The following CACNA1D variants were observed in gnomAD, a reference collection of about 807,000 sequenced individuals.
CACNA1D encodes the protein calcium voltage-gated channel subunit alpha1 D, also known as voltage-dependent L-type calcium channel subunit alpha-1D.
A neutral mutation model predicts 257.1 loss-of-function variants in CACNA1D; 55 were observed. The observed-to-expected ratio is 0.21, with a 90% CI of 0.17 to 0.27. The LOEUF (loss-of-function observed/expected upper bound fraction) is 0.27, where lower values mean the gene tolerates loss of function less well. CACNA1D is among the 10% of genes least tolerant of loss of function. The probability of loss-of-function intolerance (pLI) is 1.00; values close to 1 mark genes in which losing one functional copy is unlikely to be tolerated. For missense variants in CACNA1D, 1,876 were observed against 2,784.0 expected, an observed-to-expected ratio of 0.67 and a Z score of 7.34; for synonymous variants, 980 against 1,014.9, an observed-to-expected ratio of 0.97 and a Z score of 0.65.
At chr3:53,696,281 T>C (rs2094572575) in intron 8 of CACNA1D, among the ~76,000 whole-genome samples, 1 of 152,276 alleles carries the variant, frequency 6.6e-6, no homozygotes, top group Non-Finnish European at 1.5e-5. Flanking sequence ...TAGCCTGGTT[T>C]TGATCCTCAT....
chr3:53,725,893 C>A (rs2108736264), intron 14 of CACNA1D, among the ~76,000 whole-genome samples: 1 of 152,244 alleles, frequency 6.6e-6, no homozygotes, highest in South Asian at 2.1e-4. Context: ...TCTTATTCAT[C>A]TGATTCTATT....
intron 3 of CACNA1D, among the ~76,000 whole-genome samples, chr3:53,592,189 T>C (rs1030005573): frequency 5.3e-5 from 8 of 152,168 alleles, no homozygotes; most frequent in African/African-American, 1.9e-4. Context: ...ACATAGGTGG[T>C]GCTTCGATTC....
In CACNA1D at chr3:53,789,271, A is replaced by G. The variant is rs533969221; in HGVS notation, c.4923+2319A>G. Reference sequence around the variant, plus strand: ...CGTCTGTAATTTATGTTGAGAATGCAGCCTGGAAAATTAAGTTGTGTTCAT... The same window carrying G: ...CGTCTGTAATTTATGTTGAGAATGCGGCCTGGAAAATTAAGTTGTGTTCAT... On this transcript the variant is annotated intron_variant, in intron 40 of 47. Transcript: ENST00000350061. This position sits in a 1 kb window ranked among gnomAD's most constrained non-coding sequence, Gnocchi z 4.2. Among the ~76,000 whole-genome samples, 12 of 152,380 alleles carry G rather than the reference A, an allele frequency of 7.9e-5. No individual in the cohort carries two copies. The highest frequency in any genetic ancestry group is 1.3e-4 in the Non-Finnish European group (9 of 68,038).
chr3:53,584,536 A>G (rs1179155517), intron 3 of CACNA1D, among the ~76,000 whole-genome samples: 2 of 152,148 alleles, frequency 1.3e-5, no homozygotes, highest in African/African-American at 4.8e-5. Flanking sequence ...CCCTCCATCC[A>G]TTCACCATCT....
chr3:53,642,788 T>G (rs1267991826), intron 3 of CACNA1D, among the ~76,000 whole-genome samples: 1 of 152,226 alleles, frequency 6.6e-6, no homozygotes, highest in African/African-American at 2.4e-5. Context: ...CCTGGGTGAT[T>G]GTGGGGTCAC....
rs372467333 is a variant in CACNA1D, at chr3:53,557,165, G to GT, written c.483+55452dup. ...CTACAGATCATAAAGATTTTCTCCAGTTTTTTTCCTAGAAGTTTTATAGTT... is the reference window on the plus strand; with the variant it reads ...CTACAGATCATAAAGATTTTCTCCAGTTTTTTTTCCTAGAAGTTTTATAGTT... On this transcript the variant is annotated intron_variant, in intron 3 of 47. Coordinates refer to ENST00000350061, the MANE Select transcript of CACNA1D (RefSeq NM_001128840.3). Among the ~76,000 whole-genome samples, 365 of 152,136 alleles carry GT rather than the reference G, an allele frequency of 2.4e-3. 4 individuals carry two copies. Among genetic ancestry groups the GT allele is most frequent in the African/African-American group, 8.1e-3 (337 of 41,512 alleles).
At chr3:53,535,667 A>G (rs1461908369) in intron 3 of CACNA1D, among the ~76,000 whole-genome samples, 1 of 152,206 alleles carries the variant, frequency 6.6e-6, no homozygotes, top group Non-Finnish European at 1.5e-5. Flanking sequence ...GACTAGTGGG[A>G]AGTAGACTAA....
intron 9 of CACNA1D, among the ~76,000 whole-genome samples, chr3:53,709,287 C>T (rs1281021156): frequency 6.6e-6 from 1 of 152,206 alleles, no homozygotes; most frequent in South Asian, 2.1e-4. Context: ...CTCTGTGAGA[C>T]AGGAACTTGA....
chr3:53,505,310 C>T (rs534514229), intron 3 of CACNA1D, among the ~76,000 whole-genome samples: 5 of 151,940 alleles, frequency 3.3e-5, no homozygotes, highest in Admixed American at 6.5e-5. Flanking sequence ...GGGGTTTCAC[C>T]GTGTTAGCCA....
At chr3:53,550,096 T>C (rs1307045624) in intron 3 of CACNA1D, among the ~76,000 whole-genome samples, 1 of 152,108 alleles carries the variant, frequency 6.6e-6, no homozygotes, top group Non-Finnish European at 1.5e-5. Context: ...GAAAGCGAAT[T>C]GGCTCTCCCC....
At chr3:53,687,287 T>C (rs1048399579) in intron 8 of CACNA1D, among the ~76,000 whole-genome samples, 1 of 152,078 alleles carries the variant, frequency 6.6e-6, no homozygotes. Flanking sequence ...AAAACTAATA[T>C]ATAATTGCAA....
intron 3 of CACNA1D, among the ~76,000 whole-genome samples, chr3:53,633,170 C>T (rs1339394909): frequency 6.6e-6 from 1 of 152,192 alleles, no homozygotes; most frequent in Non-Finnish European, 1.5e-5. Context: ...CTCATGTACT[C>T]CTTTTAACCG....
intron 30 of CACNA1D, 22 bp from the exon 31 acceptor site, chr3:53,769,951 T>C: frequency 6.3e-7 from 1 of 1,594,560 alleles, no homozygotes; most frequent in East Asian, 2.2e-5. Context: ...TTAATCCATT[T>C]TCAATCTTTG....
chr3:53,748,837 G>A (rs901611844), intron 26 of CACNA1D, among the ~76,000 whole-genome samples: 8 of 152,116 alleles, frequency 5.3e-5, no homozygotes, highest in East Asian at 1.9e-4. Flanking sequence ...TAAGAGTTCC[G>A]CTAGGCATAG....
At chr3:53,675,629 T>G (rs2094368075) in intron 8 of CACNA1D, among the ~76,000 whole-genome samples, 2 of 152,020 alleles carry the variant, frequency 1.3e-5, no homozygotes, top group African/African-American at 4.8e-5. Flanking sequence ...CGGGGGGGCT[T>G]CCCACTATCA....
rs1463616758 is a variant in CACNA1D at position 53,793,956 on chromosome 3, T to G, written c.4924-6293T>G. Among the ~76,000 whole-genome samples the G allele has an allele frequency of 2.6e-5, 4 of 152,214 alleles. No individual in the cohort carries two copies. The highest frequency in any genetic ancestry group is 4.4e-5 in the Non-Finnish European group (3 of 68,042). On this transcript the variant is annotated intron_variant, in intron 40 of 47. Transcript: ENST00000350061. This position sits in a 1 kb window ranked among gnomAD's most constrained non-coding sequence, Gnocchi z 4.1. ...CAACACCAGCATCCATAGGCTAAAC[T>G]CTTCAGCTCCTGGATAGAAGATGAG...
intron 3 of CACNA1D, among the ~76,000 whole-genome samples, chr3:53,572,944 T>G (rs919567541): frequency 6.6e-6 from 1 of 152,348 alleles, no homozygotes; most frequent in East Asian, 1.9e-4. Flanking sequence ...GTCTCTCTCC[T>G]GCAACCCTGT....
intron 20 of CACNA1D, among the ~76,000 whole-genome samples, chr3:53,736,317 A>G (rs968898047): frequency 6.6e-6 from 1 of 152,102 alleles, no homozygotes; most frequent in Non-Finnish European, 1.5e-5. Context: ...CTCCAGCCTC[A>G]GTGATACAGT....
In CACNA1D at chr3:53,578,946, C is replaced by G. The variant is rs563692768; in HGVS notation, c.484-71833C>G. On this transcript the variant is annotated intron_variant, in intron 3 of 47. Coordinates refer to ENST00000350061, the MANE Select transcript of CACNA1D (RefSeq NM_001128840.3). ...CCATAGTTGGGAGGCTGTTTGCATC[C>G]TTTTGAGGAAGGGGGAGTAAAGGGC... Among the ~76,000 whole-genome samples the G allele has an allele frequency of 2.0e-5, 3 of 152,184 alleles. No homozygotes were observed. The South Asian group carries it at 6.2e-4, about 32-fold the overall frequency.
Sources: allele counts gnomAD v4.1 joint callset (sites outside exome capture counted in the v4.1 genomes callset), GRCh38; gene constraint gnomAD v4.1.1; non-coding constraint Gnocchi (gnomAD v3.1); transcripts MANE v1.5; gene names NCBI Gene and HGNC (gene_info 2026-07-23, HGNC 2026-07-21).